PTH2R: variants seen among roughly 807,000 people sequenced by gnomAD.
The protein encoded by PTH2R is PTH2 receptor.
A neutral mutation model predicts 60.3 loss-of-function variants in PTH2R; 59 were observed. The ratio of observed to expected loss-of-function variants is 0.98; its 90% CI spans 0.79 to 1.22. PTH2R has a LOEUF of 1.22. PTH2R is among the 50% of genes most tolerant of loss of function. The pLI, the probability that PTH2R is intolerant of heterozygous loss-of-function variation, is 0.00. For synonymous variants in PTH2R, 256 were observed against 243.8 expected, an observed-to-expected ratio of 1.05 and a Z score of -0.47; for missense variants, 749 against 682.6, an observed-to-expected ratio of 1.10 and a Z score of -1.08.
intron 12 of PTH2R, among the ~76,000 whole-genome samples, chr2:208,492,878 G>A (rs1703435622): frequency 6.6e-6 from 1 of 152,150 alleles, no homozygotes; most frequent in South Asian, 2.1e-4. Flanking sequence ...AGGGGTTCCA[G>A]TGGGCTTGTC....
chr2:208,453,623 T>A (rs1021940394), intron 8 of PTH2R, among the ~76,000 whole-genome samples: 1 of 152,216 alleles, frequency 6.6e-6, no homozygotes, highest in African/African-American at 2.4e-5. Context: ...CGGCTGACCA[T>A]TTTTTCTCTC....
At chr2:208,372,642 A>G (rs1043428998) in intron 1 of PTH2R, among the ~76,000 whole-genome samples, 1 of 152,078 alleles carries the variant, frequency 6.6e-6, no homozygotes, top group Non-Finnish European at 1.5e-5. Context: ...CAACTAAAAA[A>G]CATATTTGAA....
In PTH2R at chr2:208,388,242, G is replaced by A. The variant is rs139558400; in HGVS notation, c.-259+28005G>A. ...TGAGGCAGGAGAATGGAATGAATCC[G>A]GGAGGTGGAGCTTGCAGTGAGTTGA... On this transcript the variant is annotated intron_variant, in intron 1 of 12. Coordinates refer to the PTH2R transcript ENST00000617735. 3.4e-3 allele frequency among the ~76,000 whole-genome samples: 521 copies of A among 151,508 alleles called. 3 individuals are homozygous for A. The highest frequency in any genetic ancestry group is 0.012 in the African/African-American group (497 of 41,344).
chr2:208,489,643 A>G (rs547235500), intron 11 of PTH2R, among the ~76,000 whole-genome samples: 2 of 152,300 alleles, frequency 1.3e-5, no homozygotes, highest in Non-Finnish European at 2.9e-5. Context: ...TAGTCCACAT[A>G]TGATAGTCTG....
intron 6 of PTH2R, 146 bp downstream of exon 6, chr2:208,443,683 T>A: frequency 1.6e-6 from 1 of 623,896 alleles, no homozygotes; most frequent in Non-Finnish European, 2.5e-6. Context: ...AGTGATGTTT[T>A]CTCCCTCAAT....
chr2:208,437,187 A>G (rs1450546663), intron 2 of PTH2R, among the ~76,000 whole-genome samples: 1 of 152,216 alleles, frequency 6.6e-6, no homozygotes, highest in Non-Finnish European at 1.5e-5. Context: ...GTAAAAATGT[A>G]GTTACAACTT....
chr2:208,395,400 AT>A (rs1335701236), intron 1 of PTH2R, among the ~76,000 whole-genome samples: 1 of 152,114 alleles, frequency 6.6e-6, no homozygotes, highest in Non-Finnish European at 1.5e-5. Flanking sequence ...TGAAAAAAAA[AT>A]GTGCCTCATG....
rs574999127 is a variant in PTH2R, at chr2:208,417,698, T to A, written c.76-10503T>A. The stretch of plus-strand genomic sequence containing the variant: ...CCGAGTAGCTGGGATTATGGGCACA[T>A]GCCACCATGCCCGGCTACAAACGTG... On this transcript the variant is annotated intron_variant, in intron 1 of 12. Coordinates refer to ENST00000272847, the MANE Select transcript of PTH2R (RefSeq NM_005048.4). Among the ~76,000 whole-genome samples the A allele has an allele frequency of 5.3e-5, 8 of 152,042 alleles. No individual in the cohort carries two copies. The South Asian group carries it at 1.7e-3, about 32-fold the overall frequency.
intron 1 of PTH2R, among the ~76,000 whole-genome samples, chr2:208,389,613 T>C (rs1385641222): frequency 2.6e-5 from 4 of 152,216 alleles, no homozygotes; most frequent in Admixed American, 1.3e-4. Flanking sequence ...AGGCTATGTA[T>C]GACCCATGAG....
intron 1 of PTH2R, among the ~76,000 whole-genome samples, chr2:208,423,894 A>G (rs1314059657): frequency 6.6e-6 from 1 of 152,082 alleles, no homozygotes; most frequent in Non-Finnish European, 1.5e-5. Context: ...TCTGGTACTA[A>G]TATAACTGGG....
intron 1 of PTH2R, among the ~76,000 whole-genome samples, chr2:208,387,937 A>G (rs1257763244): frequency 1.3e-5 from 2 of 152,174 alleles, no homozygotes; most frequent in Non-Finnish European, 2.9e-5. Context: ...GCTAGTCTGT[A>G]AACATTGGAC....
In PTH2R at chr2:208,396,633, G is replaced by A. The variant is rs1205273119; in HGVS notation, c.-258-31568G>A. On this transcript the variant is annotated intron_variant, in intron 1 of 12. Transcript: ENST00000617735. ...ACCATCTCATGCCAGTTAGAATGGC[G>A]ATCATTAAAAAGTCAGGAAACAACA... Among the ~76,000 whole-genome samples the A allele has an allele frequency of 5.9e-5, 9 of 152,220 alleles. No homozygotes were observed. The East Asian group carries it at 9.7e-4, about 16-fold the overall frequency.
chr2:208,460,381 T>A (rs1231891760), intron 9 of PTH2R, among the ~76,000 whole-genome samples: 1 of 152,152 alleles, frequency 6.6e-6, no homozygotes, highest in Non-Finnish European at 1.5e-5. Flanking sequence ...GGTAATATGA[T>A]GTATAAAGTA....
chr2:208,389,224 G>A (rs1701061223), intron 1 of PTH2R, among the ~76,000 whole-genome samples: 1 of 106,194 alleles, frequency 9.4e-6, no homozygotes, highest in Non-Finnish European at 1.9e-5. Context: ...AAAAGGAAAT[G>A]CATACACACA....
chr2:208,480,228 A>T (rs1466222109), intron 9 of PTH2R, among the ~76,000 whole-genome samples: 1 of 152,200 alleles, frequency 6.6e-6, no homozygotes, highest in Non-Finnish European at 1.5e-5. Context: ...GCAGGACTTG[A>T]TGGCTTTCTC....
chr2:208,377,781 C>G (rs1168011097), intron 1 of PTH2R, among the ~76,000 whole-genome samples: 1 of 150,768 alleles, frequency 6.6e-6, no homozygotes, highest in Non-Finnish European at 1.5e-5. Context: ...GACGGGGCGG[C>G]GGGGCAGAGG....
At chr2:208,388,663 A>G (rs79595886) in intron 1 of PTH2R, among the ~76,000 whole-genome samples, 6,354 of 152,262 alleles carry the variant, frequency 0.042, 406 homozygotes, top group African/African-American at 0.14. Flanking sequence ...TTACTCTAGA[A>G]TAGACATGTT....
intron 9 of PTH2R, among the ~76,000 whole-genome samples, chr2:208,462,137 G>A (rs1398173615): frequency 6.6e-6 from 1 of 152,130 alleles, no homozygotes; most frequent in East Asian, 1.9e-4. Context: ...TCCCTTGAAG[G>A]CTCTTAACTT....
chr2:208,435,302 C>T (rs1190312891), intron 2 of PTH2R, among the ~76,000 whole-genome samples: 1 of 152,142 alleles, frequency 6.6e-6, no homozygotes, highest in African/African-American at 2.4e-5. Context: ...AATGATGGCC[C>T]TCCAAGGATG....
Sources: allele counts gnomAD v4.1 joint callset (sites outside exome capture counted in the v4.1 genomes callset), GRCh38; gene constraint gnomAD v4.1.1; transcripts MANE v1.5; gene names NCBI Gene and HGNC (gene_info 2026-07-23, HGNC 2026-07-21).